Variants in RHPN2 observed in about 807,000 individuals in gnomAD.
RHPN2 encodes the protein rhophilin Rho GTPase binding protein 2, also known as rhophilin-2.
RHPN2 carries 40 observed loss-of-function variants against 79.0 expected under a neutral mutation model. The ratio of observed to expected loss-of-function variants is 0.51; its 90% CI spans 0.39 to 0.66. RHPN2 has a LOEUF of 0.66. Among genes scored for constraint, RHPN2 ranks in the 30% least tolerant of loss-of-function variants. RHPN2 has a pLI of 0.00. For synonymous variants in RHPN2, 285 were observed against 363.5 expected, an observed-to-expected ratio of 0.78 and a Z score of 2.46; for missense variants, 686 against 883.5, an observed-to-expected ratio of 0.78 and a Z score of 2.83.
intron 14 of RHPN2, among the ~76,000 whole-genome samples, chr19:32,987,631 T>C (rs1011301668): frequency 2.0e-5 from 3 of 152,188 alleles, no homozygotes; most frequent in Non-Finnish European, 4.4e-5. Context: ...TTCCAACTGA[T>C]CTCTAAATGT....
At chr19:33,006,077 G>A (rs1343120240) in intron 7 of RHPN2, among the ~76,000 whole-genome samples, 4 of 151,732 alleles carry the variant, frequency 2.6e-5, no homozygotes, top group South Asian at 2.1e-4. Flanking sequence ...ATGGAGTTTC[G>A]CCTTGTTGCC....
At chr19:33,009,594 G>C (rs66878335) in intron 6 of RHPN2, among the ~76,000 whole-genome samples, 29,660 of 151,590 alleles carry the variant, frequency 0.2, 2,971 homozygotes, top group South Asian at 0.28. Flanking sequence ...GGGACTACAG[G>C]CATGCACCAC....
chr19:33,041,958 G>A (rs1158661856), intron 2 of RHPN2, among the ~76,000 whole-genome samples: 3 of 152,126 alleles, frequency 2.0e-5, no homozygotes, highest in African/African-American at 7.2e-5. Flanking sequence ...TGAGGCAGGA[G>A]GATCACTTGA....
chr19:32,994,044 T>G lies in RHPN2; in HGVS notation c.1430A>C (p.Glu477Ala). The change falls in exon 12 of 15, where the codon GAG (glutamate) becomes GCG (alanine). Residue 477 changes from glutamate (E) to alanine (A), a missense_variant. By Grantham distance (107) the Glu-to-Ala change is moderately radical. Transcript: ENST00000254260. ...IDAPSVVAKT[E>A]QEVDIILPQF... ...GGGCAATATAATGTCAACCTCTTGCTCAGTTTTAGCTAGAATAGAGGATTA... is the reference window on the plus strand; with the variant it reads ...GGGCAATATAATGTCAACCTCTTGCGCAGTTTTAGCTAGAATAGAGGATTA... 6.2e-7 allele frequency: 1 copy of G among 1,611,090 alleles called. No individual in the cohort carries two copies. Among genetic ancestry groups the G allele is most frequent in the East Asian group, 2.2e-5 (1 of 44,836 alleles).
rs1215862716 is a variant in RHPN2, at chr19:33,044,376, T to C, written c.70-12A>G. The C allele has an allele frequency of 1.3e-6, 2 of 1,587,040 alleles. No homozygotes were observed. Among genetic ancestry groups the C allele is most frequent in the East Asian group, 2.2e-5 (1 of 44,756 alleles). On this transcript the variant is annotated splice_polypyrimidine_tract_variant and intron_variant, in intron 1 of 14. Transcript: ENST00000254260. ...AGGGGATTACAGCCCTGAGGAAAAA[T>C]AAGAGATGCCCCTTCAGAGGTCGGC...
chr19:32,980,342 T>G, intron 14 of RHPN2, 86 bp from the exon 15 acceptor site: 1 of 1,497,150 alleles, frequency 6.7e-7, no homozygotes, highest in Non-Finnish European at 9.3e-7. Context: ...GCGCGGTGGC[T>G]CACACCTGTA....
intron 2 of RHPN2, among the ~76,000 whole-genome samples, chr19:33,040,165 G>T (rs1458823180): frequency 6.6e-6 from 1 of 150,658 alleles, no homozygotes; most frequent in Non-Finnish European, 1.5e-5. Flanking sequence ...GAGGTTAAAT[G>T]ACCTGCTCTT....
chr19:33,025,660 G>C (rs1372795490), intron 3 of RHPN2, among the ~76,000 whole-genome samples: 2 of 152,206 alleles, frequency 1.3e-5, no homozygotes, highest in Non-Finnish European at 2.9e-5. Flanking sequence ...TTTGGCCTTT[G>C]GCCTTAATCC....
chr19:33,061,357 C>T (rs1404936975), intron 1 of RHPN2, among the ~76,000 whole-genome samples: 3 of 151,990 alleles, frequency 2.0e-5, no homozygotes. Context: ...AGGCACCCGC[C>T]ACCACGCCCG....
intron 2 of RHPN2, among the ~76,000 whole-genome samples, chr19:33,031,210 T>TTTCCA (rs1972007872): frequency 1.4e-5 from 2 of 145,144 alleles, no homozygotes; most frequent in South Asian, 4.6e-4. Context: ...TATTCTATTC[T>TTTCCA]TTCTATTCTA....
chr19:33,029,622 C>G (rs1033734373), intron 2 of RHPN2, among the ~76,000 whole-genome samples: 2 of 151,424 alleles, frequency 1.3e-5, no homozygotes, highest in Non-Finnish European at 2.9e-5. Flanking sequence ...AGTGCCAAAT[C>G]AATTCAATGT....
rs979866297 is a variant in RHPN2, at chr19:33,044,461, C to A, written c.70-97G>T. 13 of 850,476 alleles carry A rather than the reference C, an allele frequency of 1.5e-5. No homozygotes were observed. The Admixed American group carries it at 1.8e-4, about 12-fold the overall frequency. 52.7% of individuals were successfully genotyped at this position (850,476 alleles called of 1,614,324 possible). A position where few individuals can be genotyped will look rare whatever the true frequency, so the allele number is the denominator to read the frequency against. Reference sequence around the variant, plus strand: ...GAAAATGTTTAACTTTAAAAATAATCTTTTCTGAAAACAAAGCATCTACAT... The same window carrying A: ...GAAAATGTTTAACTTTAAAAATAATATTTTCTGAAAACAAAGCATCTACAT... On this transcript the variant is annotated intron_variant, in intron 1 of 14. Transcript: ENST00000254260.
rs907527640 is a variant in RHPN2, at chr19:32,988,210, AAC to A, written c.1800+2302_1800+2303del. Among the ~76,000 whole-genome samples the A allele has an allele frequency of 1.5e-4, 21 of 143,234 alleles. 1 individual carries two copies. Among genetic ancestry groups the A allele is most frequent in the African/African-American group, 6.1e-4 (21 of 34,566 alleles). 94.0% of individuals were successfully genotyped at this position (143,234 alleles called of 152,430 possible). On this transcript the variant is annotated intron_variant, in intron 14 of 14. Coordinates refer to ENST00000254260, the MANE Select transcript of RHPN2 (RefSeq NM_033103.5). ...GAGACCCTGTCTCAAAAACAACAACAACAAAAAAAAAAACAAAACAAACAAAA... is the reference window on the plus strand; with the variant it reads ...GAGACCCTGTCTCAAAAACAACAACAAAAAAAAAAAACAAAACAAACAAAA...
chr19:33,045,752 GC>G (rs1469550673), intron 1 of RHPN2, among the ~76,000 whole-genome samples: 25 of 152,164 alleles, frequency 1.6e-4, no homozygotes, highest in African/African-American at 6.0e-4. Context: ...GGGATTACAG[GC>G]GCGAGCCACC....
chr19:32,983,696 T>C (rs1971595232), intron 14 of RHPN2, among the ~76,000 whole-genome samples: 3 of 150,190 alleles, frequency 2.0e-5, no homozygotes, highest in African/African-American at 4.9e-5. Context: ...GGCCCAATCT[T>C]GGCTCACTGC....
intron 2 of RHPN2, among the ~76,000 whole-genome samples, chr19:33,043,355 A>G (rs1036406442): frequency 1.3e-5 from 2 of 152,008 alleles, no homozygotes; most frequent in African/African-American, 4.8e-5. Context: ...GTTCAAGACC[A>G]GGCTGGCCAA....
At chr19:33,015,240 C>T (rs1287957325) in intron 4 of RHPN2, among the ~76,000 whole-genome samples, 4 of 151,976 alleles carry the variant, frequency 2.6e-5, no homozygotes, top group Non-Finnish European at 5.9e-5. Flanking sequence ...GCCTGGCCAG[C>T]GTGGTGAAAC....
At chr19:33,002,542 G>C (rs1971758194) in intron 8 of RHPN2, 139 bp from the exon 9 acceptor site, 1 of 1,035,308 alleles carries the variant, frequency 9.7e-7, no homozygotes, top group Non-Finnish European at 1.5e-6. Context: ...GCAACTCCAA[G>C]AGACCCCTCG....
At chr19:33,061,306 C>T (rs777469655) in intron 1 of RHPN2, among the ~76,000 whole-genome samples, 8 of 151,266 alleles carry the variant, frequency 5.3e-5, no homozygotes, top group South Asian at 2.1e-4. Context: ...CTGCAAGCTC[C>T]GCCATTCTCC....
Sources: gnomAD v4.1 joint callset for allele counts (sites outside exome capture counted in the v4.1 genomes callset) on GRCh38, gnomAD v4.1.1 for gene constraint, MANE v1.5 for transcripts, NCBI Gene and HGNC (gene_info 2026-07-23, HGNC 2026-07-21) for gene names.